The following CYFIP1 variants were observed in gnomAD, a reference collection of about 807,000 sequenced individuals.
CYFIP1 encodes cytoplasmic FMR1 interacting protein 1.
In CYFIP1, 58 loss-of-function variants were observed where a neutral mutation model predicts 163.5. The ratio of observed to expected loss-of-function variants is 0.35; its 90% CI spans 0.29 to 0.44. The LOEUF (loss-of-function observed/expected upper bound fraction) is 0.44, where lower values mean the gene tolerates loss of function less well. CYFIP1 is among the 20% of genes least tolerant of loss of function. CYFIP1 has a pLI of 1.00. For missense variants in CYFIP1, 1,338 were observed against 1,653.8 expected, an observed-to-expected ratio of 0.81 and a Z score of 3.31; for synonymous variants, 663 against 660.7, an observed-to-expected ratio of 1.00 and a Z score of -0.05.
Position 22,932,344 on chromosome 15 carries a change from T to C in CYFIP1, c.993-4A>G, listed in dbSNP as rs772689105. ...GCCGGAGGATGTGCACGTCCATCTGTGCAGAGAGAAAGCACCCGCGTTACC... is the reference window on the plus strand; with the variant it reads ...GCCGGAGGATGTGCACGTCCATCTGCGCAGAGAGAAAGCACCCGCGTTACC... On this transcript the variant is annotated splice_polypyrimidine_tract_variant and splice_region_variant and intron_variant, in intron 10 of 30. Coordinates refer to ENST00000617928, the MANE Select transcript of CYFIP1 (RefSeq NM_014608.6). 2 of 1,589,668 alleles carry C rather than the reference T, an allele frequency of 1.3e-6. No individual in the cohort carries two copies. The highest frequency in any genetic ancestry group is 1.7e-6 in the Non-Finnish European group (2 of 1,168,134).
intron 30 of CYFIP1, 39 bp from the exon 31 acceptor site, chr15:22,870,231 T>C (rs778544462): frequency 4.5e-6 from 7 of 1,553,642 alleles, no homozygotes; most frequent in Non-Finnish European, 6.1e-6. Flanking sequence ...CTATTAACAC[T>C]TCAACATTTA....
chr15:22,927,879 G>T (rs750217342), intron 12 of CYFIP1, 27 bp downstream of exon 12: 1 of 1,569,694 alleles, frequency 6.4e-7, no homozygotes, highest in Non-Finnish European at 8.6e-7. Context: ...GCTTTGGAGC[G>T]GGGCTGGGGT....
intron 20 of CYFIP1, among the ~76,000 whole-genome samples, chr15:22,910,179 C>T (rs1034177263): frequency 2.0e-5 from 3 of 151,494 alleles, no homozygotes; most frequent in East Asian, 3.9e-4. Flanking sequence ...TTTTTTGAGA[C>T]GGAGTCTTGC....
rs963036342 is a variant in CYFIP1 at position 22,906,570 on chromosome 15, A to G, written c.2388+2624T>C. Among the ~76,000 whole-genome samples, 58 of 143,332 alleles carry G rather than the reference A, an allele frequency of 4.0e-4. 1 individual carries two copies. Among genetic ancestry groups the G allele is most frequent in the South Asian group, 1.5e-3 (7 of 4,630 alleles). 94.0% of individuals were successfully genotyped at this position (143,332 alleles called of 152,430 possible). Reference sequence around the variant, plus strand: ...AACCTCCGCCTCCCGGGTTCACGCCATTCTCCTGCCTCAGCCTCCTGAGTA... The same window carrying G: ...AACCTCCGCCTCCCGGGTTCACGCCGTTCTCCTGCCTCAGCCTCCTGAGTA... On this transcript the variant is annotated intron_variant, in intron 21 of 30. Coordinates refer to ENST00000617928, the MANE Select transcript of CYFIP1 (RefSeq NM_014608.6).
Position 22,868,220 on chromosome 15 carries a change from T to C in CYFIP1, c.*1808A>G, listed in dbSNP as rs2059276624. ...AGCTGTTTTAGATGTTTTTTCTAAC[T>C]GCCTCCTCCCATGCCATTTTAATAC... On this transcript the variant is annotated 3_prime_UTR_variant, in exon 31 of 31. Transcript: ENST00000617928. 6.6e-6 allele frequency: 1 copy of C among 152,236 alleles called. No individual in the cohort carries two copies. 9.4% of individuals were successfully genotyped at this position (152,236 alleles called of 1,614,324 possible).
At chr15:22,886,472 A>T (rs981285676) in intron 23 of CYFIP1, among the ~76,000 whole-genome samples, 10 of 152,200 alleles carry the variant, frequency 6.6e-5, no homozygotes, top group Non-Finnish European at 2.9e-5. Flanking sequence ...GTATATATCA[A>T]ATCTTGATAT....
At chr15:22,979,578 A>G (rs908984106) in intron 1 of CYFIP1, among the ~76,000 whole-genome samples, 2 of 152,174 alleles carry the variant, frequency 1.3e-5, no homozygotes, top group Admixed American at 6.5e-5. Context: ...CTCAGCTTAA[A>G]ACACGTTCCA....
At chr15:22,883,293 A>T (rs1288714901) in intron 23 of CYFIP1, among the ~76,000 whole-genome samples, 2 of 152,216 alleles carry the variant, frequency 1.3e-5, no homozygotes, top group African/African-American at 4.8e-5. Context: ...AGAATGAGAA[A>T]TGAATACGAC....
At chr15:22,872,770 G>C (rs1566909044) in intron 30 of CYFIP1, 55 bp downstream of exon 30, 4 of 1,565,574 alleles carry the variant, frequency 2.6e-6, no homozygotes, top group Non-Finnish European at 3.5e-6. Context: ...ATAACACAAA[G>C]AAAGTATGCT....
rs1048796877 is a variant in CYFIP1, at chr15:22,868,060, T to A, written c.*1968A>T. ...CAGCCTGTGGCTCCTGCCTGGAGGT[T>A]ACCCAGTGGTGCGCCAGCGCCAAGC... On this transcript the variant is annotated 3_prime_UTR_variant, in exon 31 of 31. Transcript: ENST00000617928. 2.6e-5 allele frequency: 4 copies of A among 152,236 alleles called. No homozygotes were observed. The highest frequency in any genetic ancestry group is 6.5e-5 in the Admixed American group (1 of 15,280). 9.4% of individuals were successfully genotyped at this position (152,236 alleles called of 1,614,324 possible). A position where few individuals can be genotyped will look rare whatever the true frequency, so the allele number is the denominator to read the frequency against.
intron 13 of CYFIP1, among the ~76,000 whole-genome samples, chr15:22,921,103 C>T (rs1350670601): frequency 6.6e-6 from 1 of 152,300 alleles, no homozygotes; most frequent in African/African-American, 2.4e-5. Flanking sequence ...GGCGCAGTGG[C>T]TCATGCCTGT....
At position 22,947,104 on chromosome 15, in the gene CYFIP1, G is replaced by C. The variant is rs754204799; in HGVS notation, c.118-12C>G. The C allele has an allele frequency of 2.5e-6, 4 of 1,614,108 alleles. No homozygotes were observed. The highest frequency in any genetic ancestry group is 2.5e-6 in the Non-Finnish European group (3 of 1,179,948). On this transcript the variant is annotated splice_polypyrimidine_tract_variant and intron_variant, in intron 2 of 30. Transcript: ENST00000617928. ...GTGTTGAAATTTGGCTGAAGGAAAG[G>C]AAGAGAAAAACATCATGTGGGGTCG...
intron 1 of CYFIP1, among the ~76,000 whole-genome samples, chr15:22,956,715 G>A (rs1264286423): frequency 6.6e-6 from 1 of 152,170 alleles, no homozygotes; most frequent in Non-Finnish European, 1.5e-5. Flanking sequence ...TGGCCCCACG[G>A]CCCCACTGCC....
At chr15:22,955,899 C>G (rs2062432354) in intron 1 of CYFIP1, among the ~76,000 whole-genome samples, 1 of 103,564 alleles carries the variant, frequency 9.7e-6, no homozygotes, top group Non-Finnish European at 2.2e-5. Flanking sequence ...AAACAAAGAA[C>G]AGTGAATCAA....
chr15:22,867,205 A>G lies in CYFIP1; in HGVS notation c.*2823T>C, dbSNP rs747225529. 2.9e-5 allele frequency: 12 copies of G among 421,050 alleles called. No homozygotes were observed. The highest frequency in any genetic ancestry group is 1.6e-4 in the African/African-American group (8 of 48,730). 26.1% of individuals were successfully genotyped at this position (421,050 alleles called of 1,614,324 possible). ...AATGTGCATTTGTCATCCCCACTCC[A>G]TCAATCCCTGACCATGTAAGGCTTT... On this transcript the variant is annotated 3_prime_UTR_variant, in exon 31 of 31. Coordinates refer to ENST00000617928, the MANE Select transcript of CYFIP1 (RefSeq NM_014608.6).
Position 22,868,162 on chromosome 15 carries a change from C to CT in CYFIP1, c.*1865dup, listed in dbSNP as rs1204132416. On this transcript the variant is annotated 3_prime_UTR_variant, in exon 31 of 31. Coordinates refer to ENST00000617928, the MANE Select transcript of CYFIP1 (RefSeq NM_014608.6). ...TCACCACTGGCTGCGTGGAAACTCCCTTTTTTCCAACTTTATTATTGGCCT... is the reference window on the plus strand; with the variant it reads ...TCACCACTGGCTGCGTGGAAACTCCCTTTTTTTCCAACTTTATTATTGGCCT... The CT allele has an allele frequency of 6.6e-6, 1 of 152,200 alleles. No individual in the cohort carries two copies. Among genetic ancestry groups the CT allele is most frequent in the African/African-American group, 2.4e-5 (1 of 41,450 alleles). 9.4% of individuals were successfully genotyped at this position (152,200 alleles called of 1,614,324 possible). A position where few individuals can be genotyped will look rare whatever the true frequency, so the allele number is the denominator to read the frequency against.
At chr15:22,972,040 A>C (rs1163628683) in intron 1 of CYFIP1, among the ~76,000 whole-genome samples, 11 of 152,320 alleles carry the variant, frequency 7.2e-5, no homozygotes, top group Non-Finnish European at 2.9e-5. Context: ...AAATAGAAAA[A>C]GAAATCCTAA....
intron 21 of CYFIP1, among the ~76,000 whole-genome samples, chr15:22,908,745 T>G (rs1479664284): frequency 6.6e-6 from 1 of 151,882 alleles, no homozygotes; most frequent in African/African-American, 2.4e-5. Context: ...GCCAGGCTGG[T>G]CTCAAACTCC....
intron 3 of CYFIP1, chr15:22,946,762 G>A (rs1006152569): frequency 1.1e-5 from 7 of 658,410 alleles, no homozygotes; most frequent in Non-Finnish European, 1.7e-5. Context: ...CAGGGCAGGT[G>A]CACCCTTGAA....
Sources: gnomAD v4.1 joint callset for allele counts (sites outside exome capture counted in the v4.1 genomes callset) on GRCh38, gnomAD v4.1.1 for gene constraint, MANE v1.5 for transcripts, NCBI Gene and HGNC (gene_info 2026-07-23, HGNC 2026-07-21) for gene names.